The following OXR1 variants were observed in gnomAD, a reference collection of about 807,000 sequenced individuals.
The protein encoded by OXR1 is oxidation resistance 1.
OXR1 carries 41 observed loss-of-function variants against 104.6 expected under a neutral mutation model. That is an observed-to-expected ratio of 0.39 (90% CI 0.31 to 0.51). The LOEUF is 0.51. OXR1 is among the 20% of genes least tolerant of loss of function. OXR1 has a pLI of 0.77. For synonymous variants in OXR1, 348 were observed against 348.4 expected (o/e 1.00, Z 0.01); for missense variants, 955 against 1,031.9 (o/e 0.93, Z 1.02).
chr8:106,295,557 T>G (rs183680131), intron 1 of OXR1, among the ~76,000 whole-genome samples: 56 of 152,208 alleles, frequency 3.7e-4, no homozygotes, highest in African/African-American at 1.3e-3. Flanking sequence ...TCTAGTAATT[T>G]TTTTCTCTTA....
intron 3 of OXR1, chr8:106,657,962 G>C: frequency 8.0e-7 from 1 of 1,248,342 alleles, no homozygotes; most frequent in Non-Finnish European, 1.0e-6. Flanking sequence ...CTGGGCCCCA[G>C]TTCCGCGTCC....
chr8:106,664,703 G>A (rs1826100903), intron 3 of OXR1, among the ~76,000 whole-genome samples: 1 of 152,098 alleles, frequency 6.6e-6, no homozygotes, highest in South Asian at 2.1e-4. Flanking sequence ...AGAAACCACT[G>A]GAATGTTTAA....
intron 3 of OXR1, among the ~76,000 whole-genome samples, chr8:106,545,641 G>A (rs1815296916): frequency 6.6e-6 from 1 of 152,168 alleles, no homozygotes; most frequent in African/African-American, 2.4e-5. Flanking sequence ...AAGTAGAACA[G>A]AATTGCCTCA....
At chr8:106,306,625 A>G (rs1813475922) in intron 1 of OXR1, among the ~76,000 whole-genome samples, 1 of 152,224 alleles carries the variant, frequency 6.6e-6, no homozygotes, top group Non-Finnish European at 1.5e-5. Context: ...ACACAAAAAC[A>G]TGGATGTCTC....
chr8:106,556,617 A>G (rs1290492873), intron 3 of OXR1, among the ~76,000 whole-genome samples: 1 of 152,198 alleles, frequency 6.6e-6, no homozygotes, highest in African/African-American at 2.4e-5. Flanking sequence ...TAATTAAATG[A>G]GATCATGCAC....
chr8:106,334,093 A>T (rs550693604), intron 1 of OXR1, among the ~76,000 whole-genome samples: 4 of 152,226 alleles, frequency 2.6e-5, no homozygotes, highest in Admixed American at 6.5e-5. Flanking sequence ...CTTCGAAACC[A>T]TGAACATAAA....
intron 11 of OXR1, among the ~76,000 whole-genome samples, chr8:106,736,410 G>A (rs1834382531): frequency 6.6e-6 from 1 of 151,972 alleles, no homozygotes; most frequent in Non-Finnish European, 1.5e-5. Flanking sequence ...CTTTTAGTTG[G>A]CTAAATAAAA....
At chr8:106,679,871 T>A (rs190919743) in intron 4 of OXR1, among the ~76,000 whole-genome samples, 7 of 152,202 alleles carry the variant, frequency 4.6e-5, no homozygotes, top group African/African-American at 1.7e-4. Context: ...AGCTTTGGTA[T>A]ATGGTATGCT....
intron 2 of OXR1, among the ~76,000 whole-genome samples, chr8:106,506,496 C>A (rs1045728453): frequency 2.6e-5 from 4 of 152,004 alleles, no homozygotes; most frequent in Non-Finnish European, 1.5e-5. Flanking sequence ...ACCTGTAGTC[C>A]CAGCTACTCG....
At chr8:106,720,719 G>C in intron 11 of OXR1, 9 of 978,508 alleles carry the variant, frequency 9.2e-6, no homozygotes, top group Non-Finnish European at 1.1e-5. Flanking sequence ...TACAAGGAGA[G>C]GAAGATCAAA....
At chr8:106,536,426 G>A (rs548186492) in intron 3 of OXR1, among the ~76,000 whole-genome samples, 31 of 151,904 alleles carry the variant, frequency 2.0e-4, no homozygotes, top group Middle Eastern at 6.8e-3. Flanking sequence ...CAGCATCACC[G>A]AGAACACATG....
intron 2 of OXR1, among the ~76,000 whole-genome samples, chr8:106,471,625 T>C (rs1390861614): frequency 6.6e-6 from 1 of 151,882 alleles, no homozygotes; most frequent in Non-Finnish European, 1.5e-5. Context: ...TTCCCAATGT[T>C]GTTCCCATGT....
chr8:106,502,127 C>G (rs1811853891), intron 2 of OXR1, among the ~76,000 whole-genome samples: 1 of 152,164 alleles, frequency 6.6e-6, no homozygotes, highest in Non-Finnish European at 1.5e-5. Context: ...GGGATTGTAT[C>G]AGGAATTACA....
At chr8:106,640,568 C>T (rs1425211275) in intron 3 of OXR1, among the ~76,000 whole-genome samples, 2 of 151,862 alleles carry the variant, frequency 1.3e-5, no homozygotes, top group African/African-American at 4.8e-5. Context: ...GCAGAGGAAT[C>T]CTCTCTTTAA....
intron 2 of OXR1, among the ~76,000 whole-genome samples, chr8:106,505,873 A>G (rs1812126486): frequency 6.6e-6 from 1 of 152,230 alleles, no homozygotes; most frequent in South Asian, 2.1e-4. Context: ...CTTTAAAGTC[A>G]GAGAACAACC....
chr8:106,282,809 G>A (rs1812343150), intron 1 of OXR1, among the ~76,000 whole-genome samples: 1 of 152,130 alleles, frequency 6.6e-6, no homozygotes, highest in Admixed American at 6.5e-5. Flanking sequence ...GGCCCATACA[G>A]TTCAAACCTG....
chr8:106,357,578 A>C (rs1816027326), intron 1 of OXR1, among the ~76,000 whole-genome samples: 1 of 151,890 alleles, frequency 6.6e-6, no homozygotes. Context: ...CAATTTTCAG[A>C]GTGTGCTTTA....
intron 2 of OXR1, among the ~76,000 whole-genome samples, chr8:106,505,714 C>T (rs1812115840): frequency 6.6e-6 from 1 of 152,128 alleles, no homozygotes; most frequent in African/African-American, 2.4e-5. Flanking sequence ...GCCCTCTGGA[C>T]AGAAAGAGAT....
At chr8:106,324,871 G>A (rs1814398914) in intron 1 of OXR1, among the ~76,000 whole-genome samples, 1 of 152,080 alleles carries the variant, frequency 6.6e-6, no homozygotes. Context: ...GCTGAGGAGG[G>A]GAAAATGGTT....
Sources: allele counts gnomAD v4.1 joint callset (sites outside exome capture counted in the v4.1 genomes callset), GRCh38; gene constraint gnomAD v4.1.1; transcripts MANE v1.5; gene names NCBI Gene and HGNC (gene_info 2026-07-23, HGNC 2026-07-21).